COL5A2: variants seen among roughly 807,000 people sequenced by gnomAD.
COL5A2 encodes the protein collagen type V alpha 2 chain.
COL5A2 carries 23 observed loss-of-function variants against 208.2 expected under a neutral mutation model. The ratio of observed to expected loss-of-function variants is 0.11; its 90% CI spans 0.08 to 0.16. COL5A2 has a LOEUF of 0.16. Among genes scored for constraint, COL5A2 ranks in the 10% least tolerant of loss-of-function variants. The probability of loss-of-function intolerance (pLI) is 1.00; values close to 1 mark genes in which losing one functional copy is unlikely to be tolerated. For missense variants in COL5A2, 1,590 were observed against 1,956.4 expected (o/e 0.81, Z 3.53); for synonymous variants, 625 against 628.5 (o/e 0.99, Z 0.08).
chr2:189,261,261 C>G, the COL5A2 span, among the ~76,000 whole-genome samples: 2 of 152,088 alleles, frequency 1.3e-5, no homozygotes, highest in Non-Finnish European at 2.9e-5. Context: ...AGTTATGTAT[C>G]CCTAATTGAA....
the COL5A2 span, among the ~76,000 whole-genome samples, chr2:189,388,390 A>G: frequency 1.3e-5 from 2 of 152,288 alleles, no homozygotes; most frequent in East Asian, 3.9e-4. Flanking sequence ...AACAGACACT[A>G]TAATAGTCCT....
At chr2:189,364,826 G>A in the COL5A2 span, among the ~76,000 whole-genome samples, 2 of 152,124 alleles carry the variant, frequency 1.3e-5, no homozygotes, top group Non-Finnish European at 2.9e-5. Context: ...TAGAGTCTGA[G>A]AACAGAAAAA....
chr2:189,036,754 T>G lies in COL5A2; in HGVS notation c.3975A>C (p.Lys1325Asn). Residue 1325 changes from lysine (K) to asparagine (N), a missense_variant, in exon 52 of 54, where the codon AAA (lysine) becomes AAC (asparagine). Coordinates refer to ENST00000374866, the MANE Select transcript of COL5A2 (RefSeq NM_000393.5). Reference protein sequence around the residue: ...PNQGSVEDAIKVYCNMETGET... With the variant: ...PNQGSVEDAINVYCNMETGET... ...CTCCTGTTTCCATGTTGCAGTAAAC[T>G]TTGATTGCATCTTCAACAGATCCTT... 6.2e-7 allele frequency: 1 copy of G among 1,613,744 alleles called. No homozygotes were observed. Among genetic ancestry groups the G allele is most frequent in the South Asian group, 1.1e-5 (1 of 91,050 alleles).
the COL5A2 span, among the ~76,000 whole-genome samples, chr2:189,296,316 A>T: frequency 6.6e-6 from 1 of 152,120 alleles, no homozygotes; most frequent in East Asian, 1.9e-4. Flanking sequence ...CAAATTCTCA[A>T]ATTCCGTATC....
chr2:189,268,044 G>C, the COL5A2 span, among the ~76,000 whole-genome samples: 1 of 152,034 alleles, frequency 6.6e-6, no homozygotes, highest in East Asian at 1.9e-4. Context: ...TCCCAAAGTG[G>C]CATTAAAAAT....
chr2:189,162,402 C>A (rs1488326920), intron 1 of COL5A2, among the ~76,000 whole-genome samples: 1 of 152,154 alleles, frequency 6.6e-6, no homozygotes, highest in Non-Finnish European at 1.5e-5. Context: ...TCATTTGAGA[C>A]CAGAGCATCA....
At chr2:189,322,126 C>T in the COL5A2 span, among the ~76,000 whole-genome samples, 1 of 152,100 alleles carries the variant, frequency 6.6e-6, no homozygotes, top group Non-Finnish European at 1.5e-5. Flanking sequence ...TCTTTGAAAC[C>T]AACAAGAACA....
At chr2:189,237,612 G>T in the COL5A2 span, among the ~76,000 whole-genome samples, 64 of 151,946 alleles carry the variant, frequency 4.2e-4, no homozygotes, top group African/African-American at 1.5e-3. Flanking sequence ...GAACATTACT[G>T]TGGTAAAAGC....
intron 1 of COL5A2, among the ~76,000 whole-genome samples, chr2:189,119,983 G>T (rs1359057895): frequency 1.3e-5 from 2 of 152,042 alleles, no homozygotes; most frequent in African/African-American, 4.8e-5. Flanking sequence ...AATATTTAAA[G>T]ATGTCATAAA....
chr2:189,330,600 G>A, the COL5A2 span, among the ~76,000 whole-genome samples: 14 of 152,146 alleles, frequency 9.2e-5, no homozygotes, highest in East Asian at 3.8e-4. Context: ...ATCTCTGTCC[G>A]TTGAGAAATC....
the COL5A2 span, among the ~76,000 whole-genome samples, chr2:189,387,517 T>A: frequency 6.6e-6 from 1 of 152,118 alleles, no homozygotes; most frequent in Admixed American, 6.6e-5. Flanking sequence ...CTGGAATAAG[T>A]TCTACTTATT....
intron 1 of COL5A2, among the ~76,000 whole-genome samples, chr2:189,189,533 T>C (rs1688897504): frequency 6.6e-6 from 1 of 152,006 alleles, no homozygotes; most frequent in Non-Finnish European, 1.5e-5. Context: ...CAAATAATAA[T>C]AATAAAATAA....
chr2:189,175,027 T>C (rs1688649588), intron 1 of COL5A2, among the ~76,000 whole-genome samples: 1 of 152,216 alleles, frequency 6.6e-6, no homozygotes, highest in Non-Finnish European at 1.5e-5. Flanking sequence ...CACACAACTA[T>C]ATTTTGTCCA....
At chr2:189,145,261 G>A (rs780508563) in intron 1 of COL5A2, among the ~76,000 whole-genome samples, 2 of 152,094 alleles carry the variant, frequency 1.3e-5, no homozygotes, top group Non-Finnish European at 2.9e-5. Context: ...AATGAGTAAA[G>A]TAATGTGAAA....
the COL5A2 span, among the ~76,000 whole-genome samples, chr2:189,236,882 A>G: frequency 4.0e-5 from 6 of 151,888 alleles, no homozygotes; most frequent in African/African-American, 1.4e-4. Flanking sequence ...AGTTTAATTT[A>G]TCAATGTTTT....
At chr2:189,120,421 T>C (rs1257973170) in intron 1 of COL5A2, among the ~76,000 whole-genome samples, 1 of 152,190 alleles carries the variant, frequency 6.6e-6, no homozygotes, top group Non-Finnish European at 1.5e-5. Context: ...TTTTGTCTAA[T>C]GCTGTTTATT....
At chr2:189,432,933 A>G in the COL5A2 span, among the ~76,000 whole-genome samples, 1 of 152,218 alleles carries the variant, frequency 6.6e-6, no homozygotes, top group Non-Finnish European at 1.5e-5. Flanking sequence ...AATTGGAAGT[A>G]AAACACTCCT....
intron 12 of COL5A2, among the ~76,000 whole-genome samples, chr2:189,081,935 C>T (rs1686543306): frequency 6.6e-6 from 1 of 152,090 alleles, no homozygotes; most frequent in Admixed American, 6.6e-5. Context: ...CATTGAATTG[C>T]CATTACCACT....
At chr2:189,242,595 AAGTTT>A in the COL5A2 span, among the ~76,000 whole-genome samples, 825 of 152,234 alleles carry the variant, frequency 5.4e-3, 7 homozygotes, top group African/African-American at 0.019. Context: ...GGTCTAACTC[AAGTTT>A]TGCTTCCTTC....
Sources: allele counts gnomAD v4.1 joint callset (sites outside exome capture counted in the v4.1 genomes callset), GRCh38; gene constraint gnomAD v4.1.1; transcripts MANE v1.5; gene names NCBI Gene and HGNC (gene_info 2026-07-23, HGNC 2026-07-21).